Variants in SGCZ observed in about 807,000 individuals in gnomAD.
The protein encoded by SGCZ is zeta-sarcoglycan.
SGCZ carries 40 observed loss-of-function variants against 41.3 expected under a neutral mutation model. The ratio of observed to expected loss-of-function variants is 0.97; its 90% CI spans 0.75 to 1.26. The LOEUF (loss-of-function observed/expected upper bound fraction) is 1.26. Ranked by LOEUF, SGCZ falls within the 50% of genes most tolerant of loss-of-function variation. The pLI is 0.00. For missense variants in SGCZ, 552 were observed against 369.8 expected, an observed-to-expected ratio of 1.49 and a Z score of -4.04; for synonymous variants, 206 against 137.5, an observed-to-expected ratio of 1.50 and a Z score of -3.49.
chr8:14,446,806 T>G (rs1800445143), intron 2 of SGCZ, among the ~76,000 whole-genome samples: 1 of 152,152 alleles, frequency 6.6e-6, no homozygotes, highest in Admixed American at 6.5e-5. Context: ...TAGTAAAAAC[T>G]AATACGTATA....
intron 1 of SGCZ, among the ~76,000 whole-genome samples, chr8:14,731,134 C>G (rs1208559882): frequency 6.6e-6 from 1 of 151,662 alleles, no homozygotes; most frequent in Admixed American, 6.6e-5. Context: ...TGGAACTAAC[C>G]CAAATGCCCA....
intron 1 of SGCZ, among the ~76,000 whole-genome samples, chr8:14,712,577 C>A (rs187005577): frequency 1.3e-5 from 2 of 152,252 alleles, no homozygotes; most frequent in Admixed American, 1.3e-4. Context: ...AATGGTATCT[C>A]TGAGATGGAA....
chr8:14,772,675 G>A (rs979778135), intron 1 of SGCZ, among the ~76,000 whole-genome samples: 14 of 148,344 alleles, frequency 9.4e-5, no homozygotes, highest in Admixed American at 1.4e-4. Flanking sequence ...GAGAACATGC[G>A]GTGTTTGGTT....
chr8:14,572,476 C>T (rs1585090748), intron 1 of SGCZ, among the ~76,000 whole-genome samples: 1 of 151,544 alleles, frequency 6.6e-6, no homozygotes, highest in African/African-American at 2.4e-5. Flanking sequence ...GGTGTTAACT[C>T]ATTTAATCCT....
At chr8:14,471,619 C>T (rs1046294830) in intron 2 of SGCZ, among the ~76,000 whole-genome samples, 1 of 151,930 alleles carries the variant, frequency 6.6e-6, no homozygotes, top group Non-Finnish European at 1.5e-5. Context: ...TTACCAACTC[C>T]CTGGAAAAGT....
intron 1 of SGCZ, among the ~76,000 whole-genome samples, chr8:15,222,358 A>G (rs1801631248): frequency 6.6e-6 from 1 of 152,240 alleles, no homozygotes; most frequent in Middle Eastern, 3.4e-3. Context: ...AAGTTAAAAC[A>G]TAGTTTTCAA....
chr8:14,715,676 A>G (rs2130157626), intron 1 of SGCZ, among the ~76,000 whole-genome samples: 1 of 152,282 alleles, frequency 6.6e-6, no homozygotes, highest in South Asian at 2.1e-4. Flanking sequence ...ACACTTTAAT[A>G]ACTTAAAAAA....
At chr8:14,144,418 C>T (rs1401809756) in intron 5 of SGCZ, among the ~76,000 whole-genome samples, 1 of 152,162 alleles carries the variant, frequency 6.6e-6, no homozygotes, top group Non-Finnish European at 1.5e-5. Context: ...CCAGTCCTTG[C>T]AGAGTTCATA....
At chr8:14,231,616 C>G (rs973807201) in intron 4 of SGCZ, among the ~76,000 whole-genome samples, 3 of 152,012 alleles carry the variant, frequency 2.0e-5, no homozygotes, top group Admixed American at 1.3e-4. Flanking sequence ...GTCTCCCATC[C>G]ACAATTATTT....
chr8:15,197,885 T>TAC (rs150640188), intron 1 of SGCZ, among the ~76,000 whole-genome samples: 7,337 of 150,606 alleles, frequency 0.049, 231 homozygotes, highest in Non-Finnish European at 0.066. Context: ...TGTGTATATA[T>TAC]ACACACACAC....
chr8:14,238,434 G>C (rs1188032617), intron 3 of SGCZ, among the ~76,000 whole-genome samples: 1 of 152,076 alleles, frequency 6.6e-6, no homozygotes, highest in Non-Finnish European at 1.5e-5. Context: ...AATCATACAA[G>C]GATTTCACAA....
chr8:14,119,415 T>G lies in SGCZ; in HGVS notation c.548-11180A>C, dbSNP rs372518786. ...GTGATTTTTGCACATAGATTTTGTA[T>G]CCTGAGAGTTTCCTGATTTTGCTTA... On this transcript the variant is annotated intron_variant, in intron 5 of 7. Transcript: ENST00000382080. 3.9e-5 allele frequency among the ~76,000 whole-genome samples: 6 copies of G among 152,198 alleles called. No homozygotes were observed. In the East Asian group the frequency reaches 7.7e-4, roughly 20 times the overall value.
At chr8:14,191,228 T>G (rs1022341772) in intron 4 of SGCZ, among the ~76,000 whole-genome samples, 1 of 152,228 alleles carries the variant, frequency 6.6e-6, no homozygotes, top group African/African-American at 2.4e-5. Flanking sequence ...TTATATATTT[T>G]GAATATTGAC....
At chr8:14,692,186 T>G (rs914255531) in intron 1 of SGCZ, among the ~76,000 whole-genome samples, 1 of 152,060 alleles carries the variant, frequency 6.6e-6, no homozygotes, top group African/African-American at 2.4e-5. Flanking sequence ...TAAATTGATA[T>G]ATAAAAATGA....
At chr8:15,162,865 G>C (rs916104231) in intron 1 of SGCZ, among the ~76,000 whole-genome samples, 3 of 152,122 alleles carry the variant, frequency 2.0e-5, no homozygotes, top group Non-Finnish European at 4.4e-5. Flanking sequence ...TCCTACAATA[G>C]CAAGGAAATC....
At chr8:14,701,723 T>C (rs1214733510) in intron 1 of SGCZ, among the ~76,000 whole-genome samples, 1 of 151,784 alleles carries the variant, frequency 6.6e-6, no homozygotes, top group Non-Finnish European at 1.5e-5. Context: ...AGACCTTCTT[T>C]CTCTCACCAG....
intron 2 of SGCZ, among the ~76,000 whole-genome samples, chr8:14,539,090 C>T (rs893188485): frequency 1.3e-5 from 2 of 151,934 alleles, no homozygotes; most frequent in African/African-American, 4.8e-5. Flanking sequence ...GAGTGGGCCT[C>T]ATCCAATCAG....
intron 1 of SGCZ, among the ~76,000 whole-genome samples, chr8:14,933,369 A>G (rs1391419622): frequency 6.6e-6 from 1 of 151,946 alleles, no homozygotes; most frequent in East Asian, 1.9e-4. Context: ...AGCTCTCTGC[A>G]AAAATGGAAC....
At chr8:14,254,021 C>A (rs1173578950) in intron 3 of SGCZ, among the ~76,000 whole-genome samples, 1 of 152,114 alleles carries the variant, frequency 6.6e-6, no homozygotes, top group Admixed American at 6.6e-5. Context: ...TGTATTAAAA[C>A]AGTACTTCTT....
Sources: allele counts gnomAD v4.1 joint callset (sites outside exome capture counted in the v4.1 genomes callset), GRCh38; gene constraint gnomAD v4.1.1; transcripts MANE v1.5; gene names NCBI Gene and HGNC (gene_info 2026-07-23, HGNC 2026-07-21).